The following MFSD8 variants were observed in gnomAD, a reference collection of about 807,000 sequenced individuals.
The protein encoded by MFSD8 is major facilitator superfamily domain containing 8.
In MFSD8, 55 loss-of-function variants were observed where a neutral mutation model predicts 66.4. That is an observed-to-expected ratio of 0.83 (90% CI 0.67 to 1.04). The LOEUF (loss-of-function observed/expected upper bound fraction) is 1.04, where lower values mean the gene tolerates loss of function less well. Ranked by LOEUF, MFSD8 falls within the 50% of genes least tolerant of loss-of-function variation. The pLI is 0.00. For missense variants in MFSD8, 550 were observed against 627.6 expected (o/e 0.88, Z 1.32); for synonymous variants, 202 against 212.8 (o/e 0.95, Z 0.44).
At chr4:127,956,878 C>T (rs1157842216) in intron 2 of MFSD8, among the ~76,000 whole-genome samples, 1 of 150,944 alleles carries the variant, frequency 6.6e-6, no homozygotes, top group Non-Finnish European at 1.5e-5. Context: ...GTTAGGGACT[C>T]TTAGTAGTTG....
At chr4:127,924,340 T>G (rs770465602) in intron 9 of MFSD8, among the ~76,000 whole-genome samples, 4 of 152,082 alleles carry the variant, frequency 2.6e-5, no homozygotes, top group Non-Finnish European at 4.4e-5. Context: ...TGTATTTCTG[T>G]GGGACCAGTG....
intron 11 of MFSD8, 155 bp from the exon 12 acceptor site, chr4:127,920,991 G>C: frequency 2.9e-6 from 2 of 683,426 alleles, no homozygotes; most frequent in Non-Finnish European, 4.9e-6. Flanking sequence ...TATAAATATA[G>C]CATTTAATAT....
rs192283833 is a variant in MFSD8, at chr4:127,964,180, G to C, written c.62+892C>G. Among the ~76,000 whole-genome samples, 212 of 152,388 alleles carry C rather than the reference G, an allele frequency of 1.4e-3. 1 individual carries two copies. The highest frequency in any genetic ancestry group is 4.9e-3 in the African/African-American group (203 of 41,602). ...AGGAGCCCAGCTGGCTTCGCCCAGT[G>C]GATCCCGCACCGGGGCTGCAGGTGG... On this transcript the variant is annotated intron_variant, in intron 1 of 11. Coordinates refer to ENST00000641686, the MANE Select transcript of MFSD8 (RefSeq NM_001371596.2).
intron 1 of MFSD8, among the ~76,000 whole-genome samples, chr4:127,959,657 AG>A (rs1468481941): frequency 6.6e-6 from 1 of 152,216 alleles, no homozygotes; most frequent in Non-Finnish European, 1.5e-5. Flanking sequence ...ACCTGCCGAA[AG>A]ATTTCGGCAG....
chr4:127,936,906 T>C (rs1047822882), intron 7 of MFSD8, among the ~76,000 whole-genome samples: 3 of 152,146 alleles, frequency 2.0e-5, no homozygotes, highest in Admixed American at 6.6e-5. Context: ...TTTACATATC[T>C]TCCCTTTGTC....
chr4:127,922,077 A>T (rs1041827324), intron 9 of MFSD8, 114 bp from the exon 10 acceptor site: 8 of 980,022 alleles, frequency 8.2e-6, no homozygotes, highest in Non-Finnish European at 1.3e-5. Flanking sequence ...TGATATATCC[A>T]TTAAAAAGAA....
chr4:127,945,871 T>C (rs528852010), intron 3 of MFSD8, among the ~76,000 whole-genome samples: 1 of 151,674 alleles, frequency 6.6e-6, no homozygotes, highest in African/African-American at 2.4e-5. Context: ...AAAAAAGCAA[T>C]GAAAACTCAA....
chr4:127,963,463 T>G (rs1041430903), intron 1 of MFSD8, among the ~76,000 whole-genome samples: 13 of 152,052 alleles, frequency 8.5e-5, no homozygotes, highest in African/African-American at 2.9e-4. Flanking sequence ...TAACAGCTCT[T>G]AAGGTGGCAC....
chr4:127,940,516 G>A (rs1578892889), intron 5 of MFSD8, among the ~76,000 whole-genome samples: 4 of 138,212 alleles, frequency 2.9e-5, no homozygotes, highest in South Asian at 4.7e-4. Flanking sequence ...TCTGTATATG[G>A]TATATATATA....
At chr4:127,935,645 C>T (rs1738944415) in intron 7 of MFSD8, among the ~76,000 whole-genome samples, 1 of 151,958 alleles carries the variant, frequency 6.6e-6, no homozygotes, top group Admixed American at 6.6e-5. Flanking sequence ...TAAAAGAAAA[C>T]ACTACATCTT....
At chr4:127,963,106 A>C (rs1393428312) in intron 1 of MFSD8, among the ~76,000 whole-genome samples, 1 of 152,214 alleles carries the variant, frequency 6.6e-6, no homozygotes, top group Non-Finnish European at 1.5e-5. Context: ...GATCAGAACA[A>C]CCAGAATTAT....
Position 127,923,554 on chromosome 4 carries a change from TA to T in MFSD8, c.999-1592del, listed in dbSNP as rs1421729300. Among the ~76,000 whole-genome samples the T allele has an allele frequency of 1.4e-4, 12 of 83,028 alleles. No homozygotes were observed. In the East Asian group the frequency reaches 2.0e-3, roughly 14 times the overall value. 54.5% of individuals were successfully genotyped at this position (83,028 alleles called of 152,430 possible). On this transcript the variant is annotated intron_variant, in intron 9 of 11. Coordinates refer to ENST00000641686, the MANE Select transcript of MFSD8 (RefSeq NM_001371596.2). ...CAGTATTTTATTTTTTATTTTTATT[TA>T]TTATTATTATTATTATTATTATTAT...
At chr4:127,954,966 A>AG (rs1382308622) in intron 2 of MFSD8, among the ~76,000 whole-genome samples, 2 of 152,236 alleles carry the variant, frequency 1.3e-5, no homozygotes, top group African/African-American at 4.8e-5. Flanking sequence ...ACTATCCAAA[A>AG]GAAAGTTAAC....
intron 7 of MFSD8, among the ~76,000 whole-genome samples, chr4:127,934,848 C>A (rs540259559): frequency 5.3e-5 from 8 of 151,214 alleles, no homozygotes; most frequent in Non-Finnish European, 1.0e-4. Flanking sequence ...TGAGCCACCA[C>A]GCCCAGCCTA....
intron 11 of MFSD8, 163 bp from the exon 12 acceptor site, chr4:127,920,999 T>A: frequency 1.5e-6 from 1 of 664,268 alleles, no homozygotes; most frequent in Non-Finnish European, 2.5e-6. Flanking sequence ...TAGCATTTAA[T>A]ATTAAGTCAG....
At chr4:127,958,624 G>A (rs1251134709) in intron 1 of MFSD8, among the ~76,000 whole-genome samples, 1 of 151,328 alleles carries the variant, frequency 6.6e-6, no homozygotes, top group African/African-American at 2.4e-5. Flanking sequence ...CTGAGTCAAA[G>A]GAGATAAGAA....
At chr4:127,932,876 T>C (rs952813067) in intron 8 of MFSD8, 109 bp downstream of exon 8, 10 of 881,508 alleles carry the variant, frequency 1.1e-5, no homozygotes, top group Non-Finnish European at 1.8e-5. Flanking sequence ...GTAAGAAAAA[T>C]TTGCCTTACA....
At chr4:127,928,637 T>C (rs550147779) in intron 9 of MFSD8, among the ~76,000 whole-genome samples, 4 of 152,190 alleles carry the variant, frequency 2.6e-5, no homozygotes, top group Non-Finnish European at 2.9e-5. Flanking sequence ...TTGTATACTG[T>C]TGGTGGGAAT....
intron 9 of MFSD8, among the ~76,000 whole-genome samples, chr4:127,927,013 T>C (rs1184120649): frequency 6.6e-6 from 1 of 152,192 alleles, no homozygotes; most frequent in East Asian, 1.9e-4. Flanking sequence ...TAATCTACAG[T>C]ATACTGTATT....
Sources: gnomAD v4.1 joint callset for allele counts (sites outside exome capture counted in the v4.1 genomes callset) on GRCh38, gnomAD v4.1.1 for gene constraint, MANE v1.5 for transcripts, NCBI Gene and HGNC (gene_info 2026-07-23, HGNC 2026-07-21) for gene names.